The following TRIO variants were observed in gnomAD, a reference collection of about 807,000 sequenced individuals.
TRIO encodes the protein trio Rho guanine nucleotide exchange factor, also known as triple functional domain protein.
A neutral mutation model predicts 351.9 loss-of-function variants in TRIO; 58 were observed. The observed-to-expected ratio is 0.16, with a 90% CI of 0.13 to 0.21. The LOEUF (loss-of-function observed/expected upper bound fraction) is 0.21, where lower values mean the gene tolerates loss of function less well. TRIO is among the 10% of genes least tolerant of loss of function. The probability of loss-of-function intolerance (pLI) is 1.00; values close to 1 mark genes in which losing one functional copy is unlikely to be tolerated. For missense variants in TRIO, 3,201 were observed against 4,027.8 expected (o/e 0.79, Z 5.56); for synonymous variants, 1,758 against 1,595.7 (o/e 1.10, Z -2.42).
chr5:14,462,249 G>C (rs567472965), intron 35 of TRIO, among the ~76,000 whole-genome samples: 1 of 152,316 alleles, frequency 6.6e-6, no homozygotes, highest in Admixed American at 6.5e-5. Context: ...ATAAACCTCT[G>C]TCCTCTTAGG....
At chr5:14,431,080 A>G (rs1751080315) in intron 34 of TRIO, among the ~76,000 whole-genome samples, 1 of 152,212 alleles carries the variant, frequency 6.6e-6, no homozygotes, top group South Asian at 2.1e-4. Flanking sequence ...ACACTGTGGA[A>G]GAGTTTTGAA....
chr5:14,430,556 G>T (rs1215819123), intron 34 of TRIO, among the ~76,000 whole-genome samples: 2 of 152,080 alleles, frequency 1.3e-5, no homozygotes, highest in Non-Finnish European at 2.9e-5. Context: ...AAGCTATGCA[G>T]TTGCAAGAGA....
At chr5:14,451,154 C>T (rs577891366) in intron 34 of TRIO, among the ~76,000 whole-genome samples, 1 of 152,312 alleles carries the variant, frequency 6.6e-6, no homozygotes, top group East Asian at 1.9e-4. Context: ...AGCTTTGTCT[C>T]ATCATCATCA....
intron 53 of TRIO, among the ~76,000 whole-genome samples, chr5:14,499,833 C>G (rs1248911383): frequency 6.6e-6 from 1 of 151,728 alleles, no homozygotes; most frequent in South Asian, 2.1e-4. Flanking sequence ...GGGTGGATCA[C>G]CAGGTCAGGA....
intron 1 of TRIO, among the ~76,000 whole-genome samples, chr5:14,230,340 TTGTGTGTGTGTGTGTGTGTGTGTG>T: frequency 6.7e-6 from 1 of 149,128 alleles, no homozygotes; most frequent in East Asian, 2.0e-4. Context: ...GGCAAGATGT[TTGTGTGTGTGTGTGTGTGTGTGTG>T]TGTGTGTGTG....
At chr5:14,335,997 A>G (rs1297828982) in intron 10 of TRIO, among the ~76,000 whole-genome samples, 1 of 152,242 alleles carries the variant, frequency 6.6e-6, no homozygotes, top group Non-Finnish European at 1.5e-5. Context: ...AATAAAAAAT[A>G]TATAGCCTTA....
intron 11 of TRIO, among the ~76,000 whole-genome samples, chr5:14,342,349 G>T (rs918407101): frequency 1.3e-5 from 2 of 152,232 alleles, no homozygotes; most frequent in Non-Finnish European, 2.9e-5. Flanking sequence ...CAGAGCTGGA[G>T]ACTGCATCGG....
At chr5:14,494,238 A>G (rs192355140) in intron 49 of TRIO, among the ~76,000 whole-genome samples, 2 of 152,230 alleles carry the variant, frequency 1.3e-5, no homozygotes, top group Admixed American at 1.3e-4. Flanking sequence ...TGCACTGAGT[A>G]TTATTTTACT....
At chr5:14,182,228 C>T (rs773815942) in intron 1 of TRIO, among the ~76,000 whole-genome samples, 8 of 152,140 alleles carry the variant, frequency 5.3e-5, no homozygotes, top group Non-Finnish European at 1.0e-4. Flanking sequence ...GGAAGGACCC[C>T]GGCTCTGCTG....
rs909269210 is a variant in TRIO at position 14,393,368 on chromosome 5, T to C, written c.4219-670T>C. Reference sequence around the variant, plus strand: ...GTAAGAAACCTGCACATTCTGCACATGTATCCCAGAACTTAAAAAGAAACC... The same window carrying C: ...GTAAGAAACCTGCACATTCTGCACACGTATCCCAGAACTTAAAAAGAAACC... On this transcript the variant is annotated intron_variant, in intron 27 of 56. Transcript: ENST00000344204. Among the ~76,000 whole-genome samples, 9 of 152,208 alleles carry C rather than the reference T, an allele frequency of 5.9e-5. No homozygotes were observed. In the South Asian group the frequency reaches 6.2e-4, roughly 10 times the overall value.
intron 11 of TRIO, among the ~76,000 whole-genome samples, chr5:14,353,764 C>T (rs764095905): frequency 2.6e-5 from 4 of 152,092 alleles, no homozygotes; most frequent in African/African-American, 9.7e-5. Flanking sequence ...TTTGAATGAT[C>T]GTTTATGGAA....
chr5:14,358,153 C>G (rs1480894751), intron 11 of TRIO, 25 bp from the exon 12 acceptor site: 5 of 1,602,564 alleles, frequency 3.1e-6, no homozygotes, highest in Non-Finnish European at 3.4e-6. Context: ...GCCGGCCGGC[C>G]TCACCCCCCT....
chr5:14,425,235 C>T (rs1750546512), intron 34 of TRIO, among the ~76,000 whole-genome samples: 1 of 152,332 alleles, frequency 6.6e-6, no homozygotes, highest in Admixed American at 6.5e-5. Flanking sequence ...CCGCTCTCTC[C>T]TCCCAGCCCC....
chr5:14,356,882 A>G (rs1174690422), intron 11 of TRIO, among the ~76,000 whole-genome samples: 4 of 151,798 alleles, frequency 2.6e-5, no homozygotes, highest in South Asian at 2.1e-4. Flanking sequence ...AAAAGAGTAC[A>G]TACTGTCCCA....
At chr5:14,364,850 G>A (rs201254508) in intron 15 of TRIO, 34 bp downstream of exon 15, 35 of 1,583,118 alleles carry the variant, frequency 2.2e-5, no homozygotes, top group South Asian at 3.5e-5. Flanking sequence ...GGGAGGCTGC[G>A]CTACAGATGC....
intron 40 of TRIO, among the ~76,000 whole-genome samples, chr5:14,474,775 G>A (rs944207448): frequency 5.9e-5 from 9 of 151,988 alleles, no homozygotes; most frequent in Non-Finnish European, 1.0e-4. Context: ...TAATCCTCCC[G>A]CCTCAGCATC....
chr5:14,225,147 A>G (rs1792911721), intron 1 of TRIO, among the ~76,000 whole-genome samples: 1 of 152,076 alleles, frequency 6.6e-6, no homozygotes, highest in African/African-American at 2.4e-5. Context: ...ATCAGTGTAG[A>G]GTTATTGGCT....
At chr5:14,346,017 A>C (rs1275191436) in intron 11 of TRIO, among the ~76,000 whole-genome samples, 1 of 152,182 alleles carries the variant, frequency 6.6e-6, no homozygotes, top group Non-Finnish European at 1.5e-5. Context: ...ATTTGTACTG[A>C]TCTTCGTTGT....
At chr5:14,329,908 G>C (rs1184996174) in intron 9 of TRIO, among the ~76,000 whole-genome samples, 2 of 152,126 alleles carry the variant, frequency 1.3e-5, no homozygotes, top group Admixed American at 1.3e-4. Context: ...TGGGCTTCAC[G>C]TTCTGCAAAT....
Sources: allele counts gnomAD v4.1 joint callset (sites outside exome capture counted in the v4.1 genomes callset), GRCh38; gene constraint gnomAD v4.1.1; transcripts MANE v1.5; gene names NCBI Gene and HGNC (gene_info 2026-07-23, HGNC 2026-07-21).